The following MRTFA variants were observed in gnomAD, a reference collection of about 807,000 sequenced individuals.
MRTFA encodes myocardin related transcription factor A.
Under a neutral mutation model 83.5 loss-of-function variants are expected in MRTFA, and 20 were observed. That is an observed-to-expected ratio of 0.24 (90% CI 0.17 to 0.35). MRTFA has a LOEUF of 0.35. Ranked by LOEUF, MRTFA falls within the 10% of genes least tolerant of loss-of-function variation. The probability of loss-of-function intolerance (pLI) is 1.00; values close to 1 mark genes in which losing one functional copy is unlikely to be tolerated. For missense variants in MRTFA, 1,200 were observed against 1,224.7 expected (o/e 0.98, Z 0.30); for synonymous variants, 659 against 541.2 (o/e 1.22, Z -3.02).
intron 3 of MRTFA, among the ~76,000 whole-genome samples, chr22:40,475,551 A>G (rs998339435): frequency 1.3e-5 from 2 of 152,084 alleles, no homozygotes; most frequent in Non-Finnish European, 2.9e-5. Flanking sequence ...AAAAAAGTGA[A>G]TAATTACAAT....
intron 1 of MRTFA, among the ~76,000 whole-genome samples, chr22:40,611,407 T>G (rs965506443): frequency 1.3e-5 from 2 of 151,834 alleles, no homozygotes; most frequent in Admixed American, 6.6e-5. Context: ...TCCAGCTTTT[T>G]TTTTTAATTA....
intron 3 of MRTFA, among the ~76,000 whole-genome samples, chr22:40,508,079 G>C (rs1266257079): frequency 1.3e-5 from 2 of 151,690 alleles, no homozygotes; most frequent in African/African-American, 4.8e-5. Context: ...GTGGCTTCTA[G>C]GGAAACATAA....
At chr22:40,613,296 GA>G (rs1445584962) in intron 1 of MRTFA, among the ~76,000 whole-genome samples, 1 of 152,152 alleles carries the variant, frequency 6.6e-6, no homozygotes, top group Non-Finnish European at 1.5e-5. Context: ...AAGCTGCTAT[GA>G]ACATTCACAT....
chr22:40,481,454 C>T (rs927995938), intron 3 of MRTFA, among the ~76,000 whole-genome samples: 2 of 152,064 alleles, frequency 1.3e-5, no homozygotes, highest in African/African-American at 4.8e-5. Flanking sequence ...CAGATGAGGT[C>T]CCTGCCCTCA....
Position 40,435,567 on chromosome 22 carries a change from G to A in MRTFA, c.308-13C>T. Reference sequence around the variant, plus strand: ...GGACTTTTCAAAGCTGTTGAGAGAAGAACCGTAAAGATTACCTTCAAGCGA... The same window carrying A: ...GGACTTTTCAAAGCTGTTGAGAGAAAAACCGTAAAGATTACCTTCAAGCGA... On this transcript the variant is annotated splice_polypyrimidine_tract_variant and intron_variant, in intron 4 of 14. Coordinates refer to ENST00000355630, the MANE Select transcript of MRTFA (RefSeq NM_020831.6). 6.2e-7 allele frequency: 1 copy of A among 1,613,952 alleles called. No homozygotes were observed. Among genetic ancestry groups the A allele is most frequent in the East Asian group, 2.2e-5 (1 of 44,888 alleles).
intron 3 of MRTFA, among the ~76,000 whole-genome samples, chr22:40,516,216 C>T (rs1168556706): frequency 1.3e-5 from 2 of 151,688 alleles, no homozygotes; most frequent in East Asian, 1.9e-4. Flanking sequence ...GTCAGGAGTT[C>T]GAGGCCAGCC....
chr22:40,536,102 G>T (rs1489070675), intron 3 of MRTFA, among the ~76,000 whole-genome samples: 8 of 150,360 alleles, frequency 5.3e-5, no homozygotes, highest in Non-Finnish European at 5.9e-5. Context: ...ACCAGGTTGG[G>T]CAACATGGCA....
At chr22:40,630,699 CT>C (rs1005635859) in intron 1 of MRTFA, among the ~76,000 whole-genome samples, 1 of 152,142 alleles carries the variant, frequency 6.6e-6, no homozygotes, top group Non-Finnish European at 1.5e-5. Flanking sequence ...TTATAATTAA[CT>C]TTCTAATTTA....
chr22:40,522,351 A>G (rs1270600443), intron 3 of MRTFA: 2 of 152,274 alleles, frequency 1.3e-5, no homozygotes, highest in African/African-American at 2.4e-5. Flanking sequence ...AGGACTGGGC[A>G]GCAAGCTCCA....
chr22:40,516,877 C>T (rs2054769434), intron 3 of MRTFA, among the ~76,000 whole-genome samples: 1 of 152,050 alleles, frequency 6.6e-6, no homozygotes, highest in South Asian at 2.1e-4. Context: ...AAAAAGAAGG[C>T]CATTCCTATG....
chr22:40,505,602 G>A (rs909166755), intron 3 of MRTFA, among the ~76,000 whole-genome samples: 9 of 152,212 alleles, frequency 5.9e-5, no homozygotes, highest in African/African-American at 1.4e-4. Context: ...GTATTAGGAG[G>A]TGAGGCCTTT....
intron 3 of MRTFA, among the ~76,000 whole-genome samples, chr22:40,465,527 A>G (rs1029618121): frequency 1.3e-5 from 2 of 152,084 alleles, no homozygotes; most frequent in East Asian, 1.9e-4. Flanking sequence ...TTATATTTTA[A>G]CTTACTCTTC....
At chr22:40,599,990 A>G (rs1403436524) in intron 1 of MRTFA, among the ~76,000 whole-genome samples, 1 of 146,944 alleles carries the variant, frequency 6.8e-6, no homozygotes, top group Non-Finnish European at 1.5e-5. Flanking sequence ...AAGAAAATCA[A>G]TTTAGAGGTT....
chr22:40,627,540 T>C (rs2056595906), intron 1 of MRTFA, among the ~76,000 whole-genome samples: 1 of 152,236 alleles, frequency 6.6e-6, no homozygotes, highest in African/African-American at 2.4e-5. Context: ...CTATAACATC[T>C]TGATTACTAC....
Position 40,411,723 on chromosome 22 carries a change from G to A in MRTFA, c.2763C>T (p.Ser921=), listed in dbSNP as rs1305850007. The change falls in exon 15 of 15, where the codon AGC becomes AGT. Residue 921 remains serine, a synonymous_variant. Transcript: ENST00000355630. ...CACTGGTCAGCAGGGGCAGCCCCGT[G>A]CTGCTCTCCAGGAAGTCCTCCAGGC... 1 of 1,567,150 alleles carries A rather than the reference G, an allele frequency of 6.4e-7. No homozygotes were observed. The highest frequency in any genetic ancestry group is 8.7e-7 in the Non-Finnish European group (1 of 1,151,250).
chr22:40,552,647 C>A (rs150727674), intron 2 of MRTFA, among the ~76,000 whole-genome samples: 12 of 152,266 alleles, frequency 7.9e-5, no homozygotes, highest in Admixed American at 7.8e-4. Flanking sequence ...CAACTCCTTC[C>A]ACCATGATTG....
chr22:40,464,332 A>C (rs577406949), intron 3 of MRTFA, among the ~76,000 whole-genome samples: 2 of 146,768 alleles, frequency 1.4e-5, no homozygotes, highest in African/African-American at 2.5e-5. Flanking sequence ...AAAAAAAAAA[A>C]CAACTATCTT....
intron 2 of MRTFA, among the ~76,000 whole-genome samples, chr22:40,576,720 A>T (rs1487721821): frequency 6.6e-6 from 1 of 152,200 alleles, no homozygotes; most frequent in Non-Finnish European, 1.5e-5. Context: ...TAAAAATACA[A>T]AACAGCTAGT....
rs772794471 is a variant in MRTFA at position 40,411,334 on chromosome 22, C to G, written c.*56G>C. On this transcript the variant is annotated 3_prime_UTR_variant, in exon 15 of 15. Coordinates refer to ENST00000355630, the MANE Select transcript of MRTFA (RefSeq NM_020831.6). ...GAGGCCGAATCACGCAGGAGAGCCA[C>G]GCATTGGAGTACCCTGGCTCCCAGC... is the stretch of plus-strand genomic sequence containing the variant. The G allele has an allele frequency of 9.4e-6, 14 of 1,491,832 alleles. No homozygotes were observed. Among genetic ancestry groups the G allele is most frequent in the South Asian group, 2.6e-5 (2 of 76,420 alleles). 92.4% of individuals were successfully genotyped at this position (1,491,832 alleles called of 1,614,324 possible).
Sources: allele counts gnomAD v4.1 joint callset (sites outside exome capture counted in the v4.1 genomes callset), GRCh38; gene constraint gnomAD v4.1.1; transcripts MANE v1.5; gene names NCBI Gene and HGNC (gene_info 2026-07-23, HGNC 2026-07-21).